Variants in SGCD observed in about 807,000 individuals in gnomAD.
The protein encoded by SGCD is sarcoglycan delta.
A neutral mutation model predicts 36.6 loss-of-function variants in SGCD; 18 were observed. The observed-to-expected ratio is 0.49, with a 90% CI of 0.34 to 0.73. The LOEUF (loss-of-function observed/expected upper bound fraction) is 0.73, where lower values mean the gene tolerates loss of function less well. Ranked by LOEUF, SGCD falls within the 30% of genes least tolerant of loss-of-function variation. The pLI is 0.01. For missense variants in SGCD, 387 were observed against 346.7 expected, an observed-to-expected ratio of 1.12 and a Z score of -0.92; for synonymous variants, 133 against 130.6, an observed-to-expected ratio of 1.02 and a Z score of -0.12.
chr5:156,193,647 T>C (rs1246548462), intron 3 of SGCD, among the ~76,000 whole-genome samples: 1 of 152,186 alleles, frequency 6.6e-6, no homozygotes, highest in Non-Finnish European at 1.5e-5. Context: ...GATTCTCCTT[T>C]GACCGAAAGG....
chr5:155,837,752 C>A, the SGCD span, among the ~76,000 whole-genome samples: 1 of 152,168 alleles, frequency 6.6e-6, no homozygotes, highest in Non-Finnish European at 1.5e-5. Flanking sequence ...GCTTTCCTTA[C>A]GTAGAAATCA....
intron 1 of SGCD, among the ~76,000 whole-genome samples, chr5:155,968,496 C>A (rs546394367): frequency 6.6e-6 from 1 of 152,170 alleles, no homozygotes; most frequent in East Asian, 1.9e-4. Flanking sequence ...AGAAAGACCA[C>A]CCCATGCATA....
At chr5:156,711,410 G>A (rs1754989008) in intron 7 of SGCD, among the ~76,000 whole-genome samples, 1 of 151,778 alleles carries the variant, frequency 6.6e-6, no homozygotes, top group Non-Finnish European at 1.5e-5. Context: ...ATTCCTTAGA[G>A]AGCAAGCACA....
intron 1 of SGCD, among the ~76,000 whole-genome samples, chr5:156,051,999 A>G (rs1353981195): frequency 6.8e-6 from 1 of 146,224 alleles, no homozygotes; most frequent in Non-Finnish European, 1.5e-5. Context: ...TCCCATGGCC[A>G]CAAAAATTTA....
chr5:156,092,313 T>C (rs1761264224), intron 1 of SGCD, among the ~76,000 whole-genome samples: 1 of 152,226 alleles, frequency 6.6e-6, no homozygotes, highest in Non-Finnish European at 1.5e-5. Context: ...TGAGAAAGGT[T>C]ACTTTTTGTT....
At chr5:156,098,832 G>A (rs933417469) in intron 1 of SGCD, among the ~76,000 whole-genome samples, 4 of 152,180 alleles carry the variant, frequency 2.6e-5, no homozygotes, top group African/African-American at 7.2e-5. Flanking sequence ...GCTGCTTACT[G>A]TAGCTGAGTC....
At chr5:156,701,733 G>A (rs73302848) in intron 7 of SGCD, among the ~76,000 whole-genome samples, 4,017 of 152,162 alleles carry the variant, frequency 0.026, 176 homozygotes, top group African/African-American at 0.092. Flanking sequence ...GATAATATGC[G>A]CAGACCTCAA....
At chr5:155,798,269 C>T in the SGCD span, among the ~76,000 whole-genome samples, 1 of 152,166 alleles carries the variant, frequency 6.6e-6, no homozygotes, top group Non-Finnish European at 1.5e-5. Flanking sequence ...TAATGTTCAC[C>T]CAGTTCTACT....
intron 3 of SGCD, among the ~76,000 whole-genome samples, chr5:156,485,081 A>G (rs1334602664): frequency 1.3e-5 from 2 of 152,086 alleles, no homozygotes; most frequent in African/African-American, 2.4e-5. Context: ...CATGTGTCTG[A>G]CATTCCTAAG....
intron 7 of SGCD, among the ~76,000 whole-genome samples, chr5:156,741,537 A>G (rs1364382848): frequency 2.0e-5 from 3 of 149,688 alleles, no homozygotes; most frequent in Non-Finnish European, 2.9e-5. Context: ...GGTTTGATAG[A>G]GAAAAATCTC....
At position 156,016,563 on chromosome 5, in the gene SGCD, C is replaced by A. The variant is rs116875898; in HGVS notation, c.-281-101315C>A. On this transcript the variant is annotated intron_variant, in intron 1 of 9. Coordinates refer to the SGCD transcript ENST00000517913. ...AAATTTTGTTGGTTTCTGATTTACT[C>A]TTTCTGTATTTCTTTTTTTACAAAA... Among the ~76,000 whole-genome samples the A allele has an allele frequency of 4.5e-4, 69 of 152,198 alleles. No individual in the cohort carries two copies. The East Asian group carries it at 0.013, about 28-fold the overall frequency.
intron 1 of SGCD, among the ~76,000 whole-genome samples, chr5:156,078,680 G>A (rs1220065573): frequency 6.8e-6 from 1 of 146,676 alleles, no homozygotes; most frequent in Non-Finnish European, 1.5e-5. Context: ...ACATATATAT[G>A]CGTGTGTGTG....
chr5:155,935,821 A>G (rs1363486708), intron 1 of SGCD, among the ~76,000 whole-genome samples: 4 of 152,190 alleles, frequency 2.6e-5, no homozygotes, highest in African/African-American at 9.6e-5. Flanking sequence ...CACTTGGCTC[A>G]CGCTACCAGC....
At chr5:156,610,210 G>T (rs280453) in intron 6 of SGCD, among the ~76,000 whole-genome samples, 48,214 of 151,942 alleles carry the variant, frequency 0.32, 8,550 homozygotes, top group African/African-American at 0.48. Flanking sequence ...GTGATGTACA[G>T]ATGGGGTTTT....
intron 7 of SGCD, among the ~76,000 whole-genome samples, chr5:156,738,104 C>CATTAGATGT (rs1756470546): frequency 6.6e-6 from 1 of 152,196 alleles, no homozygotes; most frequent in Admixed American, 6.5e-5. Context: ...TTGCATGGGT[C>CATTAGATGT]ATTAGATGTT....
At chr5:156,741,139 T>C (rs1375258219) in intron 7 of SGCD, among the ~76,000 whole-genome samples, 2 of 152,196 alleles carry the variant, frequency 1.3e-5, no homozygotes, top group East Asian at 3.8e-4. Flanking sequence ...CAAAAGCCAT[T>C]GTCTCCATTC....
At chr5:156,478,836 C>G (rs13359664) in intron 3 of SGCD, among the ~76,000 whole-genome samples, 5,754 of 152,156 alleles carry the variant, frequency 0.038, 383 homozygotes, top group African/African-American at 0.13. Context: ...TCACCTTGGC[C>G]TCCCAAAGTG....
intron 1 of SGCD, among the ~76,000 whole-genome samples, chr5:156,081,860 A>G (rs1423170568): frequency 1.3e-5 from 2 of 152,226 alleles, no homozygotes; most frequent in Non-Finnish European, 2.9e-5. Context: ...CAAAAATCAC[A>G]GAGTGATTGC....
At chr5:156,254,654 G>A (rs1218633381) in intron 3 of SGCD, among the ~76,000 whole-genome samples, 1 of 152,066 alleles carries the variant, frequency 6.6e-6, no homozygotes, top group Non-Finnish European at 1.5e-5. Flanking sequence ...TTAGAGACCA[G>A]CCTAGGCAAC....
Sources: allele counts gnomAD v4.1 joint callset (sites outside exome capture counted in the v4.1 genomes callset), GRCh38; gene constraint gnomAD v4.1.1; transcripts MANE v1.5; gene names NCBI Gene and HGNC (gene_info 2026-07-23, HGNC 2026-07-21).